GOLGA8M: variants seen among roughly 807,000 people sequenced by gnomAD.
GOLGA8M encodes golgin subfamily A member 8M.
A neutral mutation model predicts 87.7 loss-of-function variants in GOLGA8M; 34 were observed. The observed-to-expected ratio is 0.39, with a 90% CI of 0.29 to 0.52. The LOEUF is 0.52. Among genes scored for constraint, GOLGA8M ranks in the 20% least tolerant of loss-of-function variants. The pLI is 0.80. For missense variants in GOLGA8M, 396 were observed against 682.2 expected (o/e 0.58, Z 4.67); for synonymous variants, 138 against 250.2 (o/e 0.55, Z 4.23).
At chr15:28,711,895 A>G (rs558857293) in intron 1 of GOLGA8M, 5 of 985,118 alleles carry the variant, frequency 5.1e-6, no homozygotes, top group Middle Eastern at 1.0e-3. Flanking sequence ...AGTCTGCAGC[A>G]GGGAGCCCCA....
chr15:28,704,040 G>A lies in GOLGA8M; in HGVS notation c.1201-123C>T, dbSNP rs551138625. ...CTTTTGGCAGGCCATATCGGCCACC[G>A]CTTTGCCTCAAGCTTCCTGCTACTG... On this transcript the variant is annotated intron_variant, in intron 13 of 18. Transcript: ENST00000563027. The A allele has an allele frequency of 3.5e-4, 540 of 1,543,698 alleles. 7 individuals are homozygous for A. Among genetic ancestry groups the A allele is most frequent in the Middle Eastern group, 8.6e-4 (4 of 4,674 alleles).
rs1188807124 is a variant in GOLGA8M, at chr15:28,701,284, G to C, written c.*670C>G. 4.6e-5 allele frequency among the ~76,000 whole-genome samples: 7 copies of C among 151,408 alleles called. No individual in the cohort carries two copies. Reference sequence around the variant, plus strand: ...GAACAGATGAAACACACTCTATCCTGCACATACCTGCCAGAGGAAGCCACT... The same window carrying C: ...GAACAGATGAAACACACTCTATCCTCCACATACCTGCCAGAGGAAGCCACT... On this transcript the variant is annotated 3_prime_UTR_variant, in exon 19 of 19. Coordinates refer to ENST00000563027, the MANE Select transcript of GOLGA8M (RefSeq NM_001282468.3).
rs2079778223 is a variant in GOLGA8M at position 28,701,255 on chromosome 15, A to G, written c.*699T>C. ...CCATAATACACCGCTAATTCCTGGCACCGGAACAGATGAAACACACTCTAT... is the reference window on the plus strand; with the variant it reads ...CCATAATACACCGCTAATTCCTGGCGCCGGAACAGATGAAACACACTCTAT... On this transcript the variant is annotated 3_prime_UTR_variant, in exon 19 of 19. Transcript: ENST00000563027. Among the ~76,000 whole-genome samples, 1 of 151,874 alleles carries G rather than the reference A, an allele frequency of 6.6e-6. No individual in the cohort carries two copies. Among genetic ancestry groups the G allele is most frequent in the South Asian group, 2.1e-4 (1 of 4,812 alleles).
chr15:28,701,115 C>G lies in GOLGA8M; in HGVS notation c.*839G>C, dbSNP rs547195871. Among the ~76,000 whole-genome samples, 4 of 151,978 alleles carry G rather than the reference C, an allele frequency of 2.6e-5. No individual in the cohort carries two copies. The highest frequency in any genetic ancestry group is 9.7e-5 in the African/African-American group (4 of 41,322). On this transcript the variant is annotated 3_prime_UTR_variant, in exon 19 of 19. Transcript: ENST00000563027. ...CACATCCACAGTCAACGATGGGAAC[C>G]TTTCATTCCTCAGAAATAAGCCCTT...
chr15:28,705,065 G>T, intron 13 of GOLGA8M, 94 bp downstream of exon 13: 3 of 1,561,626 alleles, frequency 1.9e-6, no homozygotes, highest in Non-Finnish European at 2.6e-6. Context: ...CCCCAGGCTG[G>T]AAGCTGCCTC....
At position 28,701,024 on chromosome 15, in the gene GOLGA8M, G is replaced by A. The variant is rs1364305202; in HGVS notation, c.*930C>T. On this transcript the variant is annotated 3_prime_UTR_variant, in exon 19 of 19. Coordinates refer to ENST00000563027, the MANE Select transcript of GOLGA8M (RefSeq NM_001282468.3). ...GACATGTAGTCATGCGATTAAAACA[G>A]GTAACATGAACTCTGACTTTAAAAT... Among the ~76,000 whole-genome samples the A allele has an allele frequency of 1.3e-5, 2 of 152,116 alleles. No individual in the cohort carries two copies. Among genetic ancestry groups the A allele is most frequent in the Non-Finnish European group, 2.9e-5 (2 of 68,016 alleles).
chr15:28,703,199 G>C, intron 15 of GOLGA8M, 120 bp downstream of exon 15: 1 of 980,116 alleles, frequency 1.0e-6, no homozygotes. Context: ...CTGACCACTG[G>C]CTCTCAGAAG....
At chr15:28,706,789 T>C in intron 8 of GOLGA8M, 90 bp from the exon 9 acceptor site, 1 of 1,284,134 alleles carries the variant, frequency 7.8e-7, no homozygotes, top group Non-Finnish European at 1.1e-6. Flanking sequence ...AGGCCCAATA[T>C]ACAACTCGGT....
intron 16 of GOLGA8M, 41 bp downstream of exon 16, chr15:28,702,604 G>A (rs763737628): frequency 6.2e-7 from 1 of 1,610,128 alleles, no homozygotes. Flanking sequence ...CCCTCCGACG[G>A]TCCTGCAGCT....
At position 28,707,834 on chromosome 15, in the gene GOLGA8M, G is replaced by A. The variant is rs577662356; in HGVS notation, c.505C>T (p.Arg169Cys). 2.6e-4 allele frequency: 418 copies of A among 1,582,002 alleles called. 16 individuals are homozygous for A. In the South Asian group the frequency reaches 3.5e-3, roughly 13 times the overall value. Residue 169 changes from arginine (R) to cysteine (C), a missense_variant, in exon 8 of 19, where the codon CGC becomes TGC. Around this residue, in one of 12 missense-constraint regions of GOLGA8M, gnomAD observed 80 missense variants for 119.9 expected, o/e 0.67. Coordinates refer to ENST00000563027, the MANE Select transcript of GOLGA8M (RefSeq NM_001282468.3). Reference sequence around the variant, plus strand: ...TTACGCTGCAATGAATGTTGCAGGCGGACAGCCAGATCCTTGGACTTTTCT... The same window carrying A: ...TTACGCTGCAATGAATGTTGCAGGCAGACAGCCAGATCCTTGGACTTTTCT... The part of the protein sequence containing the change: ...FEEKSKDLAV[R>C]LQHSLQRKGE...
Position 28,707,745 on chromosome 15 carries a change from C to T in GOLGA8M, c.591+3G>A. Reference sequence around the variant, plus strand: ...AGGGGATGGGGCAGGTGGTTGGACTCACCTGGTTTGCCTTCTTCTTCTGTG... The same window carrying T: ...AGGGGATGGGGCAGGTGGTTGGACTTACCTGGTTTGCCTTCTTCTTCTGTG... On this transcript the variant is annotated splice_donor_region_variant and intron_variant, in intron 8 of 18. Coordinates refer to ENST00000563027, the MANE Select transcript of GOLGA8M (RefSeq NM_001282468.3). The T allele has an allele frequency of 6.5e-7, 1 of 1,545,456 alleles. No individual in the cohort carries two copies. Among genetic ancestry groups the T allele is most frequent in the Non-Finnish European group, 8.7e-7 (1 of 1,152,872 alleles).
At position 28,698,874 on chromosome 15, in the gene GOLGA8M, T is replaced by G. The variant is rs2079741035; in HGVS notation, c.*3080A>C. The stretch of plus-strand genomic sequence containing the variant: ...TCAGTATTTCCATTACACATTCTGT[T>G]TATAATAATTCATAAACTGGTAAAA... On this transcript the variant is annotated 3_prime_UTR_variant, in exon 19 of 19. Coordinates refer to ENST00000563027, the MANE Select transcript of GOLGA8M (RefSeq NM_001282468.3). Among the ~76,000 whole-genome samples, 1 of 142,930 alleles carries G rather than the reference T, an allele frequency of 7.0e-6. No homozygotes were observed. Among genetic ancestry groups the G allele is most frequent in the Non-Finnish European group, 1.5e-5 (1 of 67,670 alleles). The allele number at this position is 142,930 out of a possible 152,430, so 93.8% of individuals were successfully genotyped here. A position where few individuals can be genotyped will look rare whatever the true frequency, so the allele number is the denominator to read the frequency against.
At chr15:28,707,387 T>G (rs887507344) in intron 8 of GOLGA8M, among the ~76,000 whole-genome samples, 1 of 141,110 alleles carries the variant, frequency 7.1e-6, no homozygotes, top group Non-Finnish European at 1.5e-5. Context: ...CACACACACA[T>G]GCACACGTTT....
chr15:28,703,985 C>T (rs992268040), intron 13 of GOLGA8M, 68 bp from the exon 14 acceptor site: 12 of 1,584,828 alleles, frequency 7.6e-6, no homozygotes, highest in Middle Eastern at 2.0e-4. Context: ...GCCCCATCCT[C>T]CGCAGCTCCC....
intron 1 of GOLGA8M, chr15:28,711,942 C>T (rs1377740687): frequency 1.2e-5 from 12 of 984,976 alleles, no homozygotes; most frequent in Middle Eastern, 5.2e-4. Flanking sequence ...GGATGATTGG[C>T]GAGGGTGGGG....
At chr15:28,706,570 TG>T in intron 9 of GOLGA8M, 42 bp downstream of exon 9, 1 of 1,190,608 alleles carries the variant, frequency 8.4e-7, no homozygotes, top group Non-Finnish European at 1.2e-6. Flanking sequence ...CCTGGCCACC[TG>T]GGGTCATCTT....
intron 11 of GOLGA8M, 52 bp from the exon 12 acceptor site, chr15:28,705,791 C>T: frequency 6.4e-7 from 1 of 1,558,132 alleles, no homozygotes; most frequent in South Asian, 1.1e-5. Flanking sequence ...AAAAGAAAAA[C>T]CCTCCTCTTG....
rs2079738636 is a variant in GOLGA8M at position 28,698,646 on chromosome 15, CA to C, written c.*3307del. On this transcript the variant is annotated 3_prime_UTR_variant, in exon 19 of 19. Transcript: ENST00000563027. ...AATAAACACTTGCATAGTTATATTA[CA>C]ACTTTGTAAAAATGAAACACATTAT... Among the ~76,000 whole-genome samples the C allele has an allele frequency of 6.8e-6, 1 of 147,004 alleles. No individual in the cohort carries two copies. The highest frequency in any genetic ancestry group is 1.5e-5 in the Non-Finnish European group (1 of 67,678).
Position 28,702,231 on chromosome 15 carries a change from G to GC in GOLGA8M, c.1705dup (p.Ala569GlyfsTer7). On this transcript the variant is annotated frameshift_variant, in exon 18 of 19. Coordinates refer to ENST00000563027, the MANE Select transcript of GOLGA8M (RefSeq NM_001282468.3). LOFTEE classifies it high-confidence loss of function. ...GTACTCACCACCATGCTTGTCTGCA[G>GC]CCCCAAGCTCCTGGGGAGCTGGGGC... The GC allele has an allele frequency of 6.3e-7, 1 of 1,588,784 alleles. No individual in the cohort carries two copies. The highest frequency in any genetic ancestry group is 8.5e-7 in the Non-Finnish European group (1 of 1,174,790).
Sources: allele counts gnomAD v4.1 joint callset (sites outside exome capture counted in the v4.1 genomes callset), GRCh38; gene constraint gnomAD v4.1.1; regional missense constraint gnomAD v4.1.1; transcripts MANE v1.5; gene names NCBI Gene and HGNC (gene_info 2026-07-23, HGNC 2026-07-21).